Variants in PRR16 observed in about 807,000 individuals in gnomAD.
PRR16 encodes proline rich 16.
Under a neutral mutation model 18.2 loss-of-function variants are expected in PRR16, and 6 were observed. That is an observed-to-expected ratio of 0.33 (90% CI 0.18 to 0.65). The LOEUF (loss-of-function observed/expected upper bound fraction) is 0.65, where lower values mean the gene tolerates loss of function less well. Ranked by LOEUF, PRR16 falls within the 30% of genes least tolerant of loss-of-function variation. PRR16 has a pLI of 0.74. For missense variants in PRR16, 412 were observed against 376.6 expected, an observed-to-expected ratio of 1.09 and a Z score of -0.78; for synonymous variants, 151 against 147.8, an observed-to-expected ratio of 1.02 and a Z score of -0.16.
At chr5:120,579,129 T>C (rs1580746490) in intron 1 of PRR16, among the ~76,000 whole-genome samples, 1 of 152,322 alleles carries the variant, frequency 6.6e-6, no homozygotes, top group African/African-American at 2.4e-5. Context: ...TTGTTTAAGT[T>C]CCTTGTAAAT....
At chr5:120,525,946 G>A (rs900475932) in intron 1 of PRR16, among the ~76,000 whole-genome samples, 2 of 152,110 alleles carry the variant, frequency 1.3e-5, no homozygotes, top group African/African-American at 2.4e-5. Context: ...TTGGACAGGT[G>A]TTTCCCCATG....
chr5:120,692,298 C>T (rs974172117), downstream of PRR16, among the ~76,000 whole-genome samples: 1 of 152,138 alleles, frequency 6.6e-6, no homozygotes, highest in African/African-American at 2.4e-5. Flanking sequence ...CATCTGAGTT[C>T]TTTGTTACGA....
chr5:120,767,885 G>A, the PRR16 span, among the ~76,000 whole-genome samples: 4 of 151,642 alleles, frequency 2.6e-5, no homozygotes. Context: ...GAGTGACTGA[G>A]CTCTTGCTAC....
the PRR16 span, among the ~76,000 whole-genome samples, chr5:120,772,349 C>T: frequency 2.0e-5 from 3 of 152,044 alleles, no homozygotes; most frequent in Non-Finnish European, 2.9e-5. Context: ...CATGTAATCT[C>T]ATCTGTAATC....
chr5:120,693,175 G>A, the PRR16 span, among the ~76,000 whole-genome samples: 9 of 152,162 alleles, frequency 5.9e-5, no homozygotes, highest in South Asian at 1.0e-3. Flanking sequence ...ATATCAACTC[G>A]AAACAAGAAA....
intron 1 of PRR16, among the ~76,000 whole-genome samples, chr5:120,654,417 C>T (rs1369371569): frequency 6.6e-6 from 1 of 151,844 alleles, no homozygotes; most frequent in East Asian, 1.9e-4. Context: ...AATTTAATGG[C>T]CTTTTTTTCC....
rs546336674 is a variant in PRR16 at position 120,506,220 on chromosome 5, AT to A, written c.159+41579del. ...GTGGGTATGCTTGTTTTAATTTGCA[AT>A]TTTCATAAAAAGTAGGTTTTAGGTA... On this transcript the variant is annotated intron_variant, in intron 1 of 1. Transcript: ENST00000407149. Among the ~76,000 whole-genome samples the A allele has an allele frequency of 3.5e-4, 53 of 152,068 alleles. 1 individual carries two copies. Among genetic ancestry groups the A allele is most frequent in the Non-Finnish European group, 6.0e-4 (41 of 67,950 alleles).
In PRR16 at chr5:120,499,038, G is replaced by C. The variant is rs192911206; in HGVS notation, c.159+34393G>C. 1.2e-4 allele frequency among the ~76,000 whole-genome samples: 18 copies of C among 150,266 alleles called. No homozygotes were observed. In the East Asian group the frequency reaches 2.7e-3, roughly 23 times the overall value. On this transcript the variant is annotated intron_variant, in intron 1 of 1. Transcript: ENST00000407149. ...ATTTATCCTATTTGGGGTTTTCTCA[G>C]TTTCTTCAATCTGTAGGTTTGTAAG...
the PRR16 span, among the ~76,000 whole-genome samples, chr5:120,724,723 T>C: frequency 2.0e-5 from 3 of 152,038 alleles, no homozygotes; most frequent in Non-Finnish European, 4.4e-5. Flanking sequence ...ACATCTATTA[T>C]GCTCTTTTAA....
intron 1 of PRR16, among the ~76,000 whole-genome samples, chr5:120,475,995 GAA>G (rs1260218763): frequency 1.3e-5 from 2 of 152,092 alleles, no homozygotes; most frequent in Admixed American, 6.6e-5. Context: ...TTCTTGCTGA[GAA>G]GAGGATTTTG....
the PRR16 span, among the ~76,000 whole-genome samples, chr5:120,784,485 T>C: frequency 6.6e-6 from 1 of 152,196 alleles, no homozygotes; most frequent in African/African-American, 2.4e-5. Flanking sequence ...TGTATATGCC[T>C]GTTGGCAAAG....
chr5:120,593,828 G>T (rs533739138), intron 1 of PRR16, among the ~76,000 whole-genome samples: 14 of 152,010 alleles, frequency 9.2e-5, no homozygotes, highest in Non-Finnish European at 1.6e-4. Flanking sequence ...TTTATCCCTG[G>T]AATACAAGTT....
intron 1 of PRR16, among the ~76,000 whole-genome samples, chr5:120,633,426 T>G (rs1325175775): frequency 6.6e-6 from 1 of 152,156 alleles, no homozygotes; most frequent in African/African-American, 2.4e-5. Flanking sequence ...TTTATAGAAT[T>G]GCAGAATGGA....
At chr5:120,663,013 C>T (rs1029773165) in intron 1 of PRR16, among the ~76,000 whole-genome samples, 12 of 152,112 alleles carry the variant, frequency 7.9e-5, no homozygotes, top group Non-Finnish European at 1.5e-5. Flanking sequence ...AGTGTGACCC[C>T]ACACTTCTGC....
chr5:120,685,044 C>A (rs1757078904), intron 1 of PRR16, among the ~76,000 whole-genome samples: 1 of 152,130 alleles, frequency 6.6e-6, no homozygotes, highest in Admixed American at 6.5e-5. Context: ...ATTTTCTTTC[C>A]CTTTCTCCAA....
At chr5:120,478,854 TATC>T (rs1169054300) in intron 1 of PRR16, among the ~76,000 whole-genome samples, 2 of 152,126 alleles carry the variant, frequency 1.3e-5, no homozygotes, top group Admixed American at 1.3e-4. Context: ...GCTTCTGGAA[TATC>T]ATGCATTTTT....
At chr5:120,732,830 A>C in the PRR16 span, among the ~76,000 whole-genome samples, 1 of 152,312 alleles carries the variant, frequency 6.6e-6, no homozygotes, top group South Asian at 2.1e-4. Flanking sequence ...AATTTTGTGT[A>C]TAAATGGAAG....
At chr5:120,596,881 T>G (rs961724169) in intron 1 of PRR16, among the ~76,000 whole-genome samples, 1 of 151,786 alleles carries the variant, frequency 6.6e-6, no homozygotes, top group Admixed American at 6.6e-5. Context: ...TGCAACAGTC[T>G]TCTTTCTAGA....
chr5:120,554,621 T>G (rs1424539563), intron 1 of PRR16, among the ~76,000 whole-genome samples: 3 of 151,886 alleles, frequency 2.0e-5, no homozygotes, highest in Non-Finnish European at 4.4e-5. Flanking sequence ...GAACTAGCAT[T>G]TGTGACTAGG....
Sources: allele counts gnomAD v4.1 joint callset (sites outside exome capture counted in the v4.1 genomes callset), GRCh38; gene constraint gnomAD v4.1.1; transcripts MANE v1.5; gene names NCBI Gene and HGNC (gene_info 2026-07-23, HGNC 2026-07-21).